ATRNL1: variants seen among roughly 807,000 people sequenced by gnomAD.
ATRNL1 encodes attractin like 1, also known as attractin-like protein 1.
In ATRNL1, 95 loss-of-function variants were observed where a neutral mutation model predicts 182.7. That is an observed-to-expected ratio of 0.52 (90% CI 0.44 to 0.62). The LOEUF is 0.62. Ranked by LOEUF, ATRNL1 falls within the 20% of genes least tolerant of loss-of-function variation. ATRNL1 has a pLI of 0.00. For missense variants in ATRNL1, 1,471 were observed against 1,679.5 expected (o/e 0.88, Z 2.17); for synonymous variants, 576 against 568.3 (o/e 1.01, Z -0.19).
intron 5 of ATRNL1, among the ~76,000 whole-genome samples, chr10:115,156,931 A>G (rs1221177004): frequency 6.6e-6 from 1 of 152,110 alleles, no homozygotes; most frequent in Non-Finnish European, 1.5e-5. Flanking sequence ...GTAGAGTAGA[A>G]TGATGGTTAC....
chr10:115,910,199 C>G (rs544934177), intron 28 of ATRNL1, among the ~76,000 whole-genome samples: 15 of 152,176 alleles, frequency 9.9e-5, no homozygotes, highest in Non-Finnish European at 1.9e-4. Flanking sequence ...TGACTAGACC[C>G]ACAGGAGTGA....
At position 115,495,694 on chromosome 10, in the gene ATRNL1, G is replaced by A. The variant is rs936134994; in HGVS notation, c.3655-23569G>A. Among the ~76,000 whole-genome samples the A allele has an allele frequency of 1.2e-3, 131 of 111,372 alleles. 2 individuals are homozygous for A. Among genetic ancestry groups the A allele is most frequent in the Non-Finnish European group, 5.0e-4 (24 of 47,584 alleles). 73.1% of individuals were successfully genotyped at this position (111,372 alleles called of 152,430 possible). A position where few individuals can be genotyped will look rare whatever the true frequency, so the allele number is the denominator to read the frequency against. On this transcript the variant is annotated intron_variant, in intron 24 of 28. Coordinates refer to ENST00000355044, the MANE Select transcript of ATRNL1 (RefSeq NM_207303.4). ...TACTGTCTGAGAATGCAGTTGGTAT[G>A]ATTTCAGTTTTTTTTTTTTAATTTG...
intron 19 of ATRNL1, among the ~76,000 whole-genome samples, chr10:115,389,123 AT>A (rs1554953452): frequency 1.3e-5 from 2 of 152,008 alleles, no homozygotes; most frequent in Middle Eastern, 3.4e-3. Flanking sequence ...TGAATTTGAT[AT>A]TTTTTAGATC....
chr10:115,749,657 T>A (rs1948392215), intron 27 of ATRNL1, among the ~76,000 whole-genome samples: 1 of 151,868 alleles, frequency 6.6e-6, no homozygotes, highest in African/African-American at 2.4e-5. Context: ...TGGAGAATAA[T>A]TGATTCATCT....
At chr10:115,827,359 TCA>T (rs1355303403) in intron 27 of ATRNL1, among the ~76,000 whole-genome samples, 16 of 152,346 alleles carry the variant, frequency 1.1e-4, no homozygotes, top group African/African-American at 3.6e-4. Context: ...TGCTGGGATT[TCA>T]CAGTTTAAAA....
intron 28 of ATRNL1, among the ~76,000 whole-genome samples, chr10:115,888,303 C>A (rs782143077): frequency 2.0e-5 from 3 of 152,166 alleles, no homozygotes; most frequent in Non-Finnish European, 4.4e-5. Flanking sequence ...TATTCCCCTG[C>A]GTTTTTATCA....
At chr10:115,814,608 GT>G (rs138147616) in intron 27 of ATRNL1, among the ~76,000 whole-genome samples, 1 of 152,122 alleles carries the variant, frequency 6.6e-6, no homozygotes, top group African/African-American at 2.4e-5. Flanking sequence ...CAGACTAAAT[GT>G]TTTTTTCCTA....
intron 28 of ATRNL1, among the ~76,000 whole-genome samples, chr10:115,870,825 C>T (rs1207367591): frequency 6.6e-6 from 1 of 152,228 alleles, no homozygotes; most frequent in East Asian, 1.9e-4. Context: ...CTATCTGTGC[C>T]TTAGTTTTCT....
At chr10:115,153,476 T>C (rs1244681184) in intron 5 of ATRNL1, among the ~76,000 whole-genome samples, 2 of 152,204 alleles carry the variant, frequency 1.3e-5, no homozygotes, top group Non-Finnish European at 2.9e-5. Flanking sequence ...CCATTTCTTC[T>C]AGATTTTCTA....
chr10:115,298,980 T>G (rs1394947879), intron 15 of ATRNL1, among the ~76,000 whole-genome samples: 1 of 152,058 alleles, frequency 6.6e-6, no homozygotes. Context: ...TAGGACTATA[T>G]GCACATCATA....
chr10:115,880,249 A>T (rs1678208042), intron 28 of ATRNL1, among the ~76,000 whole-genome samples: 1 of 152,234 alleles, frequency 6.6e-6, no homozygotes, highest in African/African-American at 2.4e-5. Context: ...CAGTGGGGTC[A>T]ACCTGAGCCT....
At chr10:115,677,428 A>G (rs537897168) in intron 26 of ATRNL1, among the ~76,000 whole-genome samples, 27 of 151,936 alleles carry the variant, frequency 1.8e-4, no homozygotes, top group Non-Finnish European at 3.7e-4. Context: ...CCAAATCTCA[A>G]CTTGAATTGT....
At position 115,872,664 on chromosome 10, in the gene ATRNL1, G is replaced by A. The variant is rs549383859; in HGVS notation, c.4018+24673G>A. Among the ~76,000 whole-genome samples, 3 of 152,296 alleles carry A rather than the reference G, an allele frequency of 2.0e-5. No homozygotes were observed. The South Asian group carries it at 6.2e-4, about 32-fold the overall frequency. On this transcript the variant is annotated intron_variant, in intron 28 of 28. Coordinates refer to ENST00000355044, the MANE Select transcript of ATRNL1 (RefSeq NM_207303.4). ...GCTAAAAGTCATGTTTTCTGAGCTG[G>A]TGAAGAAGCAGTGGACTGTGTGGAG...
At chr10:115,600,982 T>C (rs1555015776) in intron 26 of ATRNL1, among the ~76,000 whole-genome samples, 1 of 151,206 alleles carries the variant, frequency 6.6e-6, no homozygotes, top group African/African-American at 2.4e-5. Context: ...CTAGAACCAT[T>C]GTCGAAAACA....
At chr10:115,289,738 G>T (rs1235409968) in intron 15 of ATRNL1, among the ~76,000 whole-genome samples, 3 of 152,048 alleles carry the variant, frequency 2.0e-5, no homozygotes, top group Non-Finnish European at 4.4e-5. Flanking sequence ...TTCAACTGGT[G>T]TATGTTTATG....
intron 28 of ATRNL1, among the ~76,000 whole-genome samples, chr10:115,913,383 C>T (rs574938991): frequency 6.6e-6 from 1 of 152,294 alleles, no homozygotes; most frequent in South Asian, 2.1e-4. Context: ...AAAGGACTAG[C>T]TCTAGGGCCA....
chr10:115,801,801 T>C (rs1196858579), intron 27 of ATRNL1, among the ~76,000 whole-genome samples: 1 of 152,174 alleles, frequency 6.6e-6, no homozygotes, highest in Non-Finnish European at 1.5e-5. Flanking sequence ...CAGAAACTTT[T>C]TGAAAATTCA....
At chr10:115,130,930 A>G (rs1845204668) in intron 5 of ATRNL1, among the ~76,000 whole-genome samples, 1 of 152,122 alleles carries the variant, frequency 6.6e-6, no homozygotes, top group Admixed American at 6.6e-5. Context: ...CTCTGTGAAC[A>G]ACTCTGCCCC....
intron 27 of ATRNL1, among the ~76,000 whole-genome samples, chr10:115,760,366 T>A (rs1490445129): frequency 6.6e-6 from 1 of 152,070 alleles, no homozygotes; most frequent in Non-Finnish European, 1.5e-5. Context: ...AGACAGCAGA[T>A]GAATGAAAAA....
Sources: allele counts gnomAD v4.1 joint callset (sites outside exome capture counted in the v4.1 genomes callset), GRCh38; gene constraint gnomAD v4.1.1; transcripts MANE v1.5; gene names NCBI Gene and HGNC (gene_info 2026-07-23, HGNC 2026-07-21).